The following EFCAB7 variants were observed in gnomAD, a reference collection of about 807,000 sequenced individuals.
EFCAB7 encodes the protein EF-hand calcium binding domain 7, also known as EF-hand calcium-binding domain-containing protein 7.
In EFCAB7, 66 loss-of-function variants were observed where a neutral mutation model predicts 77.1. That is an observed-to-expected ratio of 0.86 (90% CI 0.70 to 1.05). EFCAB7 has a LOEUF of 1.05. Ranked by LOEUF, EFCAB7 falls within the 50% of genes least tolerant of loss-of-function variation. The probability of loss-of-function intolerance (pLI) is 0.00; values close to 1 mark genes in which losing one functional copy is unlikely to be tolerated. For missense variants in EFCAB7, 638 were observed against 730.5 expected (o/e 0.87, Z 1.46); for synonymous variants, 225 against 243.3 (o/e 0.92, Z 0.70).
intron 6 of EFCAB7, among the ~76,000 whole-genome samples, chr1:63,535,063 C>A (rs765533744): frequency 9.2e-5 from 14 of 152,070 alleles, no homozygotes; most frequent in Non-Finnish European, 2.9e-5. Flanking sequence ...ACCAATGGAA[C>A]CTTTTTGTAT....
chr1:63,532,823 C>A, intron 4 of EFCAB7, 67 bp downstream of exon 4: 1 of 1,284,140 alleles, frequency 7.8e-7, no homozygotes, highest in Non-Finnish European at 1.1e-6. Flanking sequence ...TTTTCCCCAG[C>A]TTTATTAAGG....
intron 5 of EFCAB7, 93 bp from the exon 6 acceptor site, chr1:63,534,002 T>C: frequency 3.7e-6 from 5 of 1,339,768 alleles, no homozygotes; most frequent in Non-Finnish European, 5.2e-6. Flanking sequence ...ATCAAAGTAA[T>C]ACAGTAGATC....
At chr1:63,545,382 T>C (rs1474711657) in intron 6 of EFCAB7, among the ~76,000 whole-genome samples, 1 of 152,236 alleles carries the variant, frequency 6.6e-6, no homozygotes, top group African/African-American at 2.4e-5. Context: ...GCCAATGTGT[T>C]AGGCACTATT....
At chr1:63,575,501 T>C (rs1647386281), downstream of EFCAB7, among the ~76,000 whole-genome samples, 2 of 152,212 alleles carry the variant, frequency 1.3e-5, no homozygotes, top group South Asian at 4.1e-4. Flanking sequence ...TATATTTCTC[T>C]GCACTGTGTT....
intron 6 of EFCAB7, among the ~76,000 whole-genome samples, chr1:63,544,119 G>A (rs527289811): frequency 6.4e-4 from 97 of 151,566 alleles, no homozygotes; most frequent in African/African-American, 1.9e-3. Context: ...ACAGGTGTGC[G>A]CCACCACGCC....
intron 6 of EFCAB7, among the ~76,000 whole-genome samples, chr1:63,543,911 A>G (rs980445771): frequency 3.3e-5 from 5 of 150,928 alleles, no homozygotes; most frequent in African/African-American, 1.2e-4. Context: ...AGAATCTTCT[A>G]CTTTGTGTCC....
At chr1:63,523,891 G>A (rs1483503199) in intron 1 of EFCAB7, among the ~76,000 whole-genome samples, 1 of 152,102 alleles carries the variant, frequency 6.6e-6, no homozygotes, top group Non-Finnish European at 1.5e-5. Context: ...TGGCCCTGTA[G>A]AAGCCTTAGG....
At chr1:63,550,275 ATCT>A (rs1646949394) in intron 7 of EFCAB7, 1 of 152,190 alleles carries the variant, frequency 6.6e-6, no homozygotes, top group Admixed American at 6.5e-5. Flanking sequence ...ACATTTTATT[ATCT>A]TATAATCTTT....
intron 6 of EFCAB7, among the ~76,000 whole-genome samples, chr1:63,543,864 C>T (rs1379961149): frequency 6.6e-6 from 1 of 152,060 alleles, no homozygotes; most frequent in Non-Finnish European, 1.5e-5. Flanking sequence ...TTGCACATAG[C>T]TATGGTAATG....
chr1:63,553,166 T>C (rs1407103239), intron 8 of EFCAB7, among the ~76,000 whole-genome samples: 8 of 152,326 alleles, frequency 5.3e-5, no homozygotes, highest in Non-Finnish European at 8.8e-5. Flanking sequence ...GAAAAAACTT[T>C]CCATTTGTCA....
At chr1:63,542,291 T>C (rs1419865587) in intron 6 of EFCAB7, among the ~76,000 whole-genome samples, 2 of 152,250 alleles carry the variant, frequency 1.3e-5, no homozygotes. Flanking sequence ...ATTTTACTCC[T>C]TTTTAAGACT....
intron 6 of EFCAB7, among the ~76,000 whole-genome samples, chr1:63,541,266 A>G (rs957302741): frequency 6.6e-6 from 1 of 152,180 alleles, no homozygotes; most frequent in African/African-American, 2.4e-5. Context: ...ATCATCCCAC[A>G]TCACCCAATT....
chr1:63,534,282 C>T (rs1040744863), intron 6 of EFCAB7, 66 bp downstream of exon 6: 1 of 1,434,708 alleles, frequency 7.0e-7, no homozygotes. Context: ...TTATTAATAA[C>T]TGTGCAGTGT....
At chr1:63,539,523 A>C (rs949833468) in intron 6 of EFCAB7, among the ~76,000 whole-genome samples, 1 of 152,248 alleles carries the variant, frequency 6.6e-6, no homozygotes, top group African/African-American at 2.4e-5. Flanking sequence ...GAAATAGAAC[A>C]GAACTTAGAA....
At chr1:63,533,982 A>G (rs1646731959) in intron 5 of EFCAB7, 113 bp from the exon 6 acceptor site, 2 of 1,190,626 alleles carry the variant, frequency 1.7e-6, no homozygotes, top group African/African-American at 3.1e-5. Context: ...CAATAGGGAG[A>G]ACAAAGAGAA....
rs147747106 is a variant in EFCAB7 at position 63,541,866 on chromosome 1, A to G, written c.805-4050A>G. ...GAGTGAGCCACCATGCCCAGCCCCA[A>G]CACAATTTTTAATCATAGAACCATT... On this transcript the variant is annotated intron_variant, in intron 6 of 13. Coordinates refer to ENST00000371088, the MANE Select transcript of EFCAB7 (RefSeq NM_032437.4). Among the ~76,000 whole-genome samples, 585 of 152,216 alleles carry G rather than the reference A, an allele frequency of 3.8e-3. 3 individuals are homozygous for G. Among genetic ancestry groups the G allele is most frequent in the African/African-American group, 0.013 (523 of 41,540 alleles).
chr1:63,578,473 G>A, the EFCAB7 span, among the ~76,000 whole-genome samples: 16 of 143,910 alleles, frequency 1.1e-4, no homozygotes, highest in East Asian at 2.7e-3. Flanking sequence ...AGACAGTCTC[G>A]CTCTGTCATC....
At chr1:63,551,566 G>C (rs1353388752) in intron 7 of EFCAB7, among the ~76,000 whole-genome samples, 159 bp from the exon 8 acceptor site, 1 of 151,074 alleles carries the variant, frequency 6.6e-6, no homozygotes, top group Non-Finnish European at 1.5e-5. Flanking sequence ...ATTCCAGGCT[G>C]GGTGACCAAG....
At chr1:63,577,086 G>A (rs897230855), downstream of EFCAB7, among the ~76,000 whole-genome samples, 5 of 151,238 alleles carry the variant, frequency 3.3e-5, no homozygotes, top group Non-Finnish European at 7.4e-5. Context: ...GGCTGAGGTT[G>A]CAGTGAGCTG....
Sources: gnomAD v4.1 joint callset for allele counts (sites outside exome capture counted in the v4.1 genomes callset) on GRCh38, gnomAD v4.1.1 for gene constraint, MANE v1.5 for transcripts, NCBI Gene and HGNC (gene_info 2026-07-23, HGNC 2026-07-21) for gene names.